Variants in CD34 observed in about 807,000 individuals in gnomAD.
The protein encoded by CD34 is CD34 molecule, also known as hematopoietic progenitor cell antigen CD34.
A neutral mutation model predicts 40.1 loss-of-function variants in CD34; 34 were observed. The observed-to-expected ratio is 0.85, with a 90% confidence interval of 0.65 to 1.13. The LOEUF is 1.13. CD34 is among the 50% of genes most tolerant of loss of function. The probability of loss-of-function intolerance (pLI) is 0.00; values close to 1 mark genes in which losing one functional copy is unlikely to be tolerated. For missense variants in CD34, 426 were observed against 466.9 expected, an observed-to-expected ratio of 0.91 and a Z score of 0.81; for synonymous variants, 209 against 190.0, an observed-to-expected ratio of 1.10 and a Z score of -0.82.
At chr1:207,888,118 C>A (rs1432949635) in intron 7 of CD34, 195 bp from the exon 8 acceptor site, 7 of 1,613,936 alleles carry the variant, frequency 4.3e-6, no homozygotes, top group South Asian at 1.1e-5. Context: ...GGTTCCAGCT[C>A]CTAGAGGAGA....
Position 207,887,351 on chromosome 1 carries a change from G to T in CD34, c.*387C>A. The stretch of plus-strand genomic sequence containing the variant: ...AAACGGTAAAAATCAAAGCTTCCTG[G>T]GAGAAAATTGTAGCCTAGAAAAGCT... On this transcript the variant is annotated 3_prime_UTR_variant, in exon 8 of 8. Coordinates refer to ENST00000310833, the MANE Select transcript of CD34 (RefSeq NM_001025109.2). 5.3e-6 allele frequency: 1 copy of T among 190,016 alleles called. No homozygotes were observed. The highest frequency in any genetic ancestry group is 1.4e-4 in the East Asian group (1 of 7,148). 11.8% of individuals were successfully genotyped at this position (190,016 alleles called of 1,614,324 possible). A position where few individuals can be genotyped will look rare whatever the true frequency, so the allele number is the denominator to read the frequency against.
At position 207,888,914 on chromosome 1, in the gene CD34, CT is replaced by C; in HGVS notation, c.808-69del. The C allele has an allele frequency of 3.3e-6, 5 of 1,513,592 alleles. No homozygotes were observed. In the South Asian group the frequency reaches 3.5e-5, roughly 11 times the overall value. 93.8% of individuals were successfully genotyped at this position (1,513,592 alleles called of 1,614,324 possible). ...AAGTGGAGCCCAGCCCGCTCCAGCC[CT>C]CTGTGTGTGACTCAACAGTGAACAG... On this transcript the variant is annotated intron_variant, in intron 6 of 7. Transcript: ENST00000310833.
chr1:207,888,181 C>T, intron 7 of CD34: 1 of 1,591,086 alleles, frequency 6.3e-7, no homozygotes, highest in Admixed American at 1.7e-5. Flanking sequence ...CAGCCAGCTC[C>T]CGCAGGAAAA....
At chr1:207,891,809 C>T (rs963600463) in intron 4 of CD34, among the ~76,000 whole-genome samples, 2 of 150,450 alleles carry the variant, frequency 1.3e-5, no homozygotes, top group African/African-American at 4.9e-5. Flanking sequence ...GAAATGGAGG[C>T]GTGAAGAGAC....
At position 207,899,982 on chromosome 1, in the gene CD34, T is replaced by A. The variant is rs778631125; in HGVS notation, c.101A>T (p.Asp34Val). The A allele has an allele frequency of 2.4e-5, 39 of 1,611,672 alleles. No individual in the cohort carries two copies. The highest frequency in any genetic ancestry group is 3.2e-5 in the Non-Finnish European group (38 of 1,178,802). The change falls in exon 2 of 8, where the codon GAC (aspartate) becomes GTC (valine). Residue 34 changes from aspartate to valine, a missense_variant. Coordinates refer to ENST00000310833, the MANE Select transcript of CD34 (RefSeq NM_001025109.2). ...CTCTGGGGTAGCAGTACCGTTGTTG[T>A]CAAGACTCATGAACCCAGAAGCTAT... ...SLLPSGFMSL[D>V]NNGTATPELP...
intron 1 of CD34, among the ~76,000 whole-genome samples, chr1:207,906,247 G>A (rs1324276720): frequency 6.6e-6 from 1 of 152,162 alleles, no homozygotes; most frequent in East Asian, 1.9e-4. Context: ...TTATGGGAAG[G>A]CCAATTTCAC....
intron 3 of CD34, among the ~76,000 whole-genome samples, chr1:207,898,378 C>G (rs1662195734): frequency 6.6e-6 from 1 of 152,132 alleles, no homozygotes. Context: ...CAGAAAGATC[C>G]CTCGGGCATA....
In CD34 at chr1:207,887,767, G is replaced by T; in HGVS notation, c.1129C>A (p.Gln377Lys). 1 of 1,614,166 alleles carries T rather than the reference G, an allele frequency of 6.2e-7. No individual in the cohort carries two copies. The highest frequency in any genetic ancestry group is 8.5e-7 in the Non-Finnish European group (1 of 1,180,028). The change falls in exon 8 of 8, where the codon CAA (glutamine) becomes AAA (lysine). Residue 377 changes from glutamine to lysine, a missense_variant. Gln to Lys is a moderately conservative substitution (Grantham distance 53). Coordinates refer to ENST00000310833, the MANE Select transcript of CD34 (RefSeq NM_001025109.2). Reference protein sequence around the residue: ...ATSRNGHSARQHVVADTEL With the variant: ...ATSRNGHSARKHVVADTEL ...AATTCGGTATCAGCCACCACGTGTT[G>T]TCTTGCTGAATGGCCGTTTCTGGAG...
intron 1 of CD34, among the ~76,000 whole-genome samples, chr1:207,910,494 T>A (rs905592895): frequency 6.6e-6 from 1 of 152,164 alleles, no homozygotes; most frequent in African/African-American, 2.4e-5. Flanking sequence ...TGGAGCCTCA[T>A]CCCTGATTCG....
chr1:207,888,112 C>T (rs757896830), intron 7 of CD34, 189 bp from the exon 8 acceptor site: 10 of 1,613,832 alleles, frequency 6.2e-6, no homozygotes, highest in Non-Finnish European at 8.5e-6. Flanking sequence ...GGTCAGGGTT[C>T]CAGCTCCTAG....
In CD34 at chr1:207,887,704, C is replaced by T. The variant is rs370567567; in HGVS notation, c.*34G>A. On this transcript the variant is annotated 3_prime_UTR_variant, in exon 8 of 8. Coordinates refer to ENST00000310833, the MANE Select transcript of CD34 (RefSeq NM_001025109.2). The stretch of plus-strand genomic sequence containing the variant: ...TCAGATGCAGAGAGGGGTGCTCTCT[C>T]GGACACTGCCCAGCCTTGCCCCACC... 9.8e-5 allele frequency: 158 copies of T among 1,612,946 alleles called. No homozygotes were observed. Among genetic ancestry groups the T allele is most frequent in the Non-Finnish European group, 1.3e-4 (150 of 1,179,390 alleles).
chr1:207,890,781 C>A (rs140877927), intron 4 of CD34, among the ~76,000 whole-genome samples: 3,307 of 152,274 alleles, frequency 0.022, 47 homozygotes, highest in Middle Eastern at 0.051. Context: ...CAAAAAACCC[C>A]CAGGAAACAA....
rs908693077 is a variant in CD34, at chr1:207,889,077, G to A, written c.807+84C>T. Reference sequence around the variant, plus strand: ...AGAGAAGGATGGTAGGTAGAACTGGGGAAGATAATGACTTCCCCCCTTACT... The same window carrying A: ...AGAGAAGGATGGTAGGTAGAACTGGAGAAGATAATGACTTCCCCCCTTACT... On this transcript the variant is annotated intron_variant, in intron 6 of 7. Coordinates refer to ENST00000310833, the MANE Select transcript of CD34 (RefSeq NM_001025109.2). 40 of 956,690 alleles carry A rather than the reference G, an allele frequency of 4.2e-5. No homozygotes were observed. The African/African-American group carries it at 5.5e-4, about 13-fold the overall frequency. 59.3% of individuals were successfully genotyped at this position (956,690 alleles called of 1,614,324 possible).
At chr1:207,906,232 A>C (rs1662378447) in intron 1 of CD34, among the ~76,000 whole-genome samples, 1 of 152,248 alleles carries the variant, frequency 6.6e-6, no homozygotes. Flanking sequence ...ACTAATGATT[A>C]GAAGTTATGG....
intron 4 of CD34, among the ~76,000 whole-genome samples, chr1:207,893,220 C>G (rs1662072346): frequency 6.6e-6 from 1 of 152,120 alleles, no homozygotes; most frequent in African/African-American, 2.4e-5. Context: ...TCTAACCTCT[C>G]TAGAGTAGCA....
intron 4 of CD34, among the ~76,000 whole-genome samples, chr1:207,893,524 G>A (rs1432661274): frequency 1.3e-5 from 2 of 152,206 alleles, no homozygotes; most frequent in Non-Finnish European, 2.9e-5. Flanking sequence ...CGAAGGATGA[G>A]AAGTGAGATC....
At chr1:207,906,872 T>TAAATAAAA (rs1553262841) in intron 1 of CD34, among the ~76,000 whole-genome samples, 3 of 151,596 alleles carry the variant, frequency 2.0e-5, no homozygotes, top group African/African-American at 7.3e-5. Context: ...AATAAATAAA[T>TAAATAAAA]AAAATAGCAT....
At chr1:207,909,383 C>A (rs571972455) in intron 1 of CD34, among the ~76,000 whole-genome samples, 1 of 152,146 alleles carries the variant, frequency 6.6e-6, no homozygotes, top group African/African-American at 2.4e-5. Flanking sequence ...GGCCAACTCA[C>A]CCCTGTTTTT....
chr1:207,901,764 C>CTGTTGTACTCT (rs1353878326), intron 1 of CD34, among the ~76,000 whole-genome samples: 6 of 152,310 alleles, frequency 3.9e-5, no homozygotes, highest in Admixed American at 2.0e-4. Context: ...ATGTAGGCCT[C>CTGTTGTACTCT]TGTTGTACTC....
Sources: gnomAD v4.1 joint callset for allele counts (sites outside exome capture counted in the v4.1 genomes callset) on GRCh38, gnomAD v4.1.1 for gene constraint, MANE v1.5 for transcripts, NCBI Gene and HGNC (gene_info 2026-07-23, HGNC 2026-07-21) for gene names.